KCND2: variants seen among roughly 807,000 people sequenced by gnomAD.
KCND2 encodes potassium voltage-gated channel subfamily D member 2, also known as A-type voltage-gated potassium channel KCND2.
KCND2 carries 16 observed loss-of-function variants against 54.4 expected under a neutral mutation model. The ratio of observed to expected loss-of-function variants is 0.29; its 90% CI spans 0.20 to 0.45. The LOEUF is 0.45. Among genes scored for constraint, KCND2 ranks in the 20% least tolerant of loss-of-function variants. KCND2 has a pLI of 1.00. For missense variants in KCND2, 486 were observed against 824.2 expected (o/e 0.59, Z 5.02); for synonymous variants, 317 against 310.7 (o/e 1.02, Z -0.21).
At chr7:120,535,328 A>G (rs1337194787) in intron 1 of KCND2, among the ~76,000 whole-genome samples, 3 of 152,038 alleles carry the variant, frequency 2.0e-5, no homozygotes, top group African/African-American at 7.2e-5. Context: ...CCTGCCTACC[A>G]TTTCATTACA....
At chr7:120,335,355 CAAAAAA>C (rs35404512) in intron 1 of KCND2, among the ~76,000 whole-genome samples, 1 of 58,398 alleles carries the variant, frequency 1.7e-5, no homozygotes, top group African/African-American at 6.9e-5. Flanking sequence ...AAGACTCTAT[CAAAAAA>C]AAAAAAAAAA....
intron 1 of KCND2, among the ~76,000 whole-genome samples, chr7:120,592,771 C>T (rs1041350798): frequency 6.6e-6 from 1 of 152,074 alleles, no homozygotes; most frequent in Non-Finnish European, 1.5e-5. Flanking sequence ...ATCAGGGTTT[C>T]TTGGCCTAAT....
intron 1 of KCND2, among the ~76,000 whole-genome samples, chr7:120,418,444 A>G (rs1341624516): frequency 3.3e-5 from 5 of 149,892 alleles, no homozygotes; most frequent in African/African-American, 7.6e-5. Flanking sequence ...GGCTACTTTC[A>G]GCAACCAAAC....
chr7:120,586,438 A>C (rs769548850), intron 1 of KCND2, among the ~76,000 whole-genome samples: 5 of 152,218 alleles, frequency 3.3e-5, no homozygotes, highest in Non-Finnish European at 7.4e-5. Context: ...GTTCATTATC[A>C]AACTTGTAAG....
intron 1 of KCND2, among the ~76,000 whole-genome samples, chr7:120,471,424 A>T (rs1257591646): frequency 2.0e-5 from 3 of 152,164 alleles, no homozygotes; most frequent in Non-Finnish European, 2.9e-5. Flanking sequence ...AGAAGATTTT[A>T]TTAAAGACAT....
At chr7:120,657,150 T>A (rs1791812810) in intron 1 of KCND2, among the ~76,000 whole-genome samples, 1 of 152,180 alleles carries the variant, frequency 6.6e-6, no homozygotes, top group African/African-American at 2.4e-5. Flanking sequence ...AGAGACATTG[T>A]TACTAAACTA....
At chr7:120,302,102 A>G (rs1282539354) in intron 1 of KCND2, among the ~76,000 whole-genome samples, 5 of 152,170 alleles carry the variant, frequency 3.3e-5, no homozygotes, top group Non-Finnish European at 5.9e-5. Context: ...ATATGATATA[A>G]AGATCTTTAC....
intron 1 of KCND2, among the ~76,000 whole-genome samples, chr7:120,727,337 T>C (rs1010130432): frequency 2.0e-5 from 3 of 152,212 alleles, no homozygotes; most frequent in African/African-American, 7.2e-5. Context: ...ACATTTGGTT[T>C]ACAATGAATT....
intron 1 of KCND2, among the ~76,000 whole-genome samples, chr7:120,480,119 TATA>T (rs1169783867): frequency 3.9e-5 from 6 of 151,952 alleles, no homozygotes; most frequent in African/African-American, 1.4e-4. Context: ...ATGGTATAGA[TATA>T]AAAAAGATGG....
chr7:120,616,374 T>C (rs1233905691), intron 1 of KCND2, among the ~76,000 whole-genome samples: 3 of 152,324 alleles, frequency 2.0e-5, no homozygotes, highest in East Asian at 3.9e-4. Context: ...TATGCACTAT[T>C]CTATATAGGG....
intron 1 of KCND2, among the ~76,000 whole-genome samples, chr7:120,567,675 G>T (rs1256278280): frequency 1.3e-5 from 2 of 151,964 alleles, no homozygotes; most frequent in African/African-American, 2.4e-5. Context: ...GCTTATAATT[G>T]CTTCCTGACA....
chr7:120,595,428 G>A (rs1431316509), intron 1 of KCND2, among the ~76,000 whole-genome samples: 8 of 143,062 alleles, frequency 5.6e-5, no homozygotes, highest in Admixed American at 1.4e-4. Flanking sequence ...TCCAGCCTGG[G>A]CAACAAAGTG....
chr7:120,450,676 C>T (rs1385323238), intron 1 of KCND2, among the ~76,000 whole-genome samples: 1 of 152,102 alleles, frequency 6.6e-6, no homozygotes, highest in African/African-American at 2.4e-5. Context: ...TAAAAGAAGA[C>T]AAAGGAAATA....
intron 1 of KCND2, among the ~76,000 whole-genome samples, chr7:120,364,188 T>C (rs1485920131): frequency 6.6e-6 from 1 of 152,214 alleles, no homozygotes; most frequent in African/African-American, 2.4e-5. Flanking sequence ...TCTTCATGTA[T>C]CTGGTTTATG....
chr7:120,562,835 A>G (rs1253932909), intron 1 of KCND2, among the ~76,000 whole-genome samples: 2 of 152,212 alleles, frequency 1.3e-5, no homozygotes, highest in African/African-American at 4.8e-5. Flanking sequence ...GCAAATACAG[A>G]CACAGTTCAG....
At chr7:120,555,021 A>G (rs539662447) in intron 1 of KCND2, among the ~76,000 whole-genome samples, 1 of 152,304 alleles carries the variant, frequency 6.6e-6, no homozygotes, top group South Asian at 2.1e-4. Flanking sequence ...CTCTGCTTTC[A>G]CTATAATCTG....
chr7:120,745,381 C>T (rs1489395734), intron 4 of KCND2, among the ~76,000 whole-genome samples: 1 of 151,924 alleles, frequency 6.6e-6, no homozygotes, highest in Non-Finnish European at 1.5e-5. Flanking sequence ...ATCTATTTTC[C>T]ATAACTTCAA....
intron 1 of KCND2, among the ~76,000 whole-genome samples, chr7:120,619,047 C>G (rs903048014): frequency 2.0e-5 from 3 of 152,158 alleles, no homozygotes; most frequent in African/African-American, 7.2e-5. Flanking sequence ...TTTACTTTCT[C>G]TCCCAAGGAA....
At chr7:120,581,240 T>C (rs2116443439) in intron 1 of KCND2, among the ~76,000 whole-genome samples, 1 of 152,372 alleles carries the variant, frequency 6.6e-6, no homozygotes, top group South Asian at 2.1e-4. Context: ...TTAGAGCCAG[T>C]TGAATGTTCC....
Sources: gnomAD v4.1 joint callset for allele counts (sites outside exome capture counted in the v4.1 genomes callset) on GRCh38, gnomAD v4.1.1 for gene constraint, MANE v1.5 for transcripts, NCBI Gene and HGNC (gene_info 2026-07-23, HGNC 2026-07-21) for gene names.